LPP: variants seen among roughly 807,000 people sequenced by gnomAD.
The protein encoded by LPP is LIM domain containing preferred translocation partner in lipoma, also known as lipoma-preferred partner.
A neutral mutation model predicts 60.4 loss-of-function variants in LPP; 38 were observed. The observed-to-expected ratio is 0.63, with a 90% CI of 0.49 to 0.83. LPP has a LOEUF of 0.83. Ranked by LOEUF, LPP falls within the 40% of genes least tolerant of loss-of-function variation. The pLI is 0.00. For missense variants in LPP, 902 were observed against 783.6 expected (o/e 1.15, Z -1.80); for synonymous variants, 328 against 290.8 (o/e 1.13, Z -1.30).
At chr3:188,220,594 G>A (rs533977700) in intron 1 of LPP, among the ~76,000 whole-genome samples, 6 of 152,360 alleles carry the variant, frequency 3.9e-5, no homozygotes, top group African/African-American at 9.6e-5. Flanking sequence ...GGCACATAGA[G>A]TACAAGCTGG....
chr3:188,575,345 T>C lies in LPP; in HGVS notation c.430-33816T>C, dbSNP rs540926264. 9.8e-5 allele frequency among the ~76,000 whole-genome samples: 15 copies of C among 152,314 alleles called. No homozygotes were observed. In the South Asian group the frequency reaches 3.1e-3, roughly 32 times the overall value. On this transcript the variant is annotated intron_variant, in intron 6 of 11. Transcript: ENST00000617246. The stretch of plus-strand genomic sequence containing the variant: ...CTAGGTTTAGGGACATCTGTCATAG[T>C]CTTATTTATTTATTTTACGTTTAGT...
At position 188,329,860 on chromosome 3, in the gene LPP, G is replaced by A. The variant is rs544001961; in HGVS notation, c.-66-11803G>A. ...GGGAAGGAAGAATCAGTGAGTTTTCGTTGAAGGACCCATGCCATTCTTTAC... is the reference window on the plus strand; with the variant it reads ...GGGAAGGAAGAATCAGTGAGTTTTCATTGAAGGACCCATGCCATTCTTTAC... On this transcript the variant is annotated intron_variant, in intron 2 of 11. Transcript: ENST00000617246. Among the ~76,000 whole-genome samples the A allele has an allele frequency of 1.6e-4, 24 of 152,238 alleles. No individual in the cohort carries two copies. In the South Asian group the frequency reaches 4.3e-3, roughly 28 times the overall value.
chr3:188,740,942 G>A (rs1384731183), intron 8 of LPP, among the ~76,000 whole-genome samples: 1 of 151,792 alleles, frequency 6.6e-6, no homozygotes. Flanking sequence ...ATTATTTTTA[G>A]CAAATAAGCA....
intron 2 of LPP, among the ~76,000 whole-genome samples, chr3:188,239,137 G>A (rs187196275): frequency 1.6e-4 from 25 of 152,336 alleles, no homozygotes; most frequent in Admixed American, 7.2e-4. Flanking sequence ...TCCAGTTGCC[G>A]TGGGGTTTCC....
In LPP at chr3:188,736,208, C is replaced by G. The variant is rs138727671; in HGVS notation, c.1241-23905C>G. Among the ~76,000 whole-genome samples the G allele has an allele frequency of 3.0e-4, 45 of 152,054 alleles. No individual in the cohort carries two copies. In the East Asian group the frequency reaches 8.3e-3, roughly 28 times the overall value. On this transcript the variant is annotated intron_variant, in intron 8 of 11. Coordinates refer to ENST00000617246, the MANE Select transcript of LPP (RefSeq NM_001375462.1). ...TATAATAAAACATAAAGATCAATCA[C>G]AAAATAATTTATCAATAAATTTTAA...
intron 4 of LPP, among the ~76,000 whole-genome samples, chr3:188,417,211 A>G (rs1318500252): frequency 6.6e-6 from 1 of 152,050 alleles, no homozygotes; most frequent in Admixed American, 6.6e-5. Flanking sequence ...GTCTTCAAAC[A>G]GAATAGATAA....
Position 188,885,825 on chromosome 3 carries a change from G to A in LPP, c.*11346G>A, listed in dbSNP as rs1042315676. ...GTTGTTTCCTGACTTTTTAATGATT[G>A]CCATTCTAACTGGTGTGAGATGGTA... On this transcript the variant is annotated 3_prime_UTR_variant, in exon 12 of 12. Coordinates refer to ENST00000617246, the MANE Select transcript of LPP (RefSeq NM_001375462.1). 8 of 152,112 alleles carry A rather than the reference G, an allele frequency of 5.3e-5. No homozygotes were observed. The highest frequency in any genetic ancestry group is 1.7e-4 in the African/African-American group (7 of 41,438). 9.4% of individuals were successfully genotyped at this position (152,112 alleles called of 1,614,324 possible).
chr3:188,538,364 C>G (rs551331088), intron 6 of LPP, among the ~76,000 whole-genome samples: 56 of 152,108 alleles, frequency 3.7e-4, no homozygotes, highest in African/African-American at 1.3e-3. Context: ...AAAGACAGCC[C>G]AATTAAGTAA....
chr3:188,480,611 C>T (rs1804500994), intron 4 of LPP, among the ~76,000 whole-genome samples: 1 of 152,176 alleles, frequency 6.6e-6, no homozygotes, highest in Non-Finnish European at 1.5e-5. Flanking sequence ...AGATTTGATA[C>T]ATCGCTGCCA....
intron 9 of LPP, among the ~76,000 whole-genome samples, chr3:188,792,157 C>T (rs1197910073): frequency 6.6e-6 from 1 of 152,146 alleles, no homozygotes; most frequent in Non-Finnish European, 1.5e-5. Flanking sequence ...TATATCTATT[C>T]TCAGAGTTTG....
chr3:188,698,786 C>T (rs1863807338), intron 7 of LPP, among the ~76,000 whole-genome samples: 1 of 152,168 alleles, frequency 6.6e-6, no homozygotes. Context: ...CGAGACTGTA[C>T]AAGAATTAAT....
intron 2 of LPP, among the ~76,000 whole-genome samples, chr3:188,310,343 G>A (rs1036325825): frequency 8.6e-5 from 13 of 151,930 alleles, no homozygotes; most frequent in African/African-American, 3.1e-4. Context: ...GTATTCTGTG[G>A]TGATCCATGT....
intron 7 of LPP, among the ~76,000 whole-genome samples, chr3:188,643,314 T>C (rs1328318125): frequency 6.6e-6 from 1 of 152,184 alleles, no homozygotes; most frequent in African/African-American, 2.4e-5. Context: ...GAGTAAAATG[T>C]GCTGAGACCA....
At chr3:188,629,295 A>T (rs929446111) in intron 7 of LPP, among the ~76,000 whole-genome samples, 7 of 152,144 alleles carry the variant, frequency 4.6e-5, no homozygotes, top group Non-Finnish European at 2.9e-5. Flanking sequence ...CTGTTTGCAG[A>T]TGATGTCATT....
chr3:188,820,481 A>C (rs1489269080), intron 9 of LPP, among the ~76,000 whole-genome samples: 1 of 152,160 alleles, frequency 6.6e-6, no homozygotes, highest in East Asian at 1.9e-4. Context: ...GTATAAAAGG[A>C]GGAATACTCT....
chr3:188,338,390 T>C (rs1762218865), intron 2 of LPP, among the ~76,000 whole-genome samples: 1 of 152,224 alleles, frequency 6.6e-6, no homozygotes, highest in African/African-American at 2.4e-5. Context: ...GGGGACAGAC[T>C]TCTATGTTTA....
At position 188,270,103 on chromosome 3, in the gene LPP, G is replaced by A. The variant is rs1246344941; in HGVS notation, c.-67+44576G>A. On this transcript the variant is annotated intron_variant, in intron 2 of 11. Transcript: ENST00000617246. ...GAAAATCAGAGTATAGTGGTTGTTC[G>A]CAGGAAAGAGGTGGTATGAGATTGC... is the stretch of plus-strand genomic sequence containing the variant. Among the ~76,000 whole-genome samples, 5 of 152,156 alleles carry A rather than the reference G, an allele frequency of 3.3e-5. No individual in the cohort carries two copies. In the East Asian group the frequency reaches 7.7e-4, roughly 24 times the overall value.
At chr3:188,370,178 G>C (rs994084617) in intron 3 of LPP, among the ~76,000 whole-genome samples, 2 of 152,024 alleles carry the variant, frequency 1.3e-5, no homozygotes. Context: ...CACCTGCCTC[G>C]GCCTCCCAAA....
At chr3:188,598,731 C>T (rs947498643) in intron 6 of LPP, among the ~76,000 whole-genome samples, 2 of 152,118 alleles carry the variant, frequency 1.3e-5, no homozygotes, top group Admixed American at 1.3e-4. Context: ...TCTCAACCAT[C>T]CTCTGATTTT....
Sources: gnomAD v4.1 joint callset for allele counts (sites outside exome capture counted in the v4.1 genomes callset) on GRCh38, gnomAD v4.1.1 for gene constraint, MANE v1.5 for transcripts, NCBI Gene and HGNC (gene_info 2026-07-23, HGNC 2026-07-21) for gene names.